The following ZEB1 variants were observed in gnomAD, a reference collection of about 807,000 sequenced individuals.
The protein encoded by ZEB1 is zinc finger E-box-binding homeobox 1.
In ZEB1, 21 loss-of-function variants were observed where a neutral mutation model predicts 84.9. The observed-to-expected ratio is 0.25, with a 90% CI of 0.18 to 0.36. The LOEUF is 0.36. Ranked by LOEUF, ZEB1 falls within the 10% of genes least tolerant of loss-of-function variation. The pLI, the probability that ZEB1 is intolerant of heterozygous loss-of-function variation, is 1.00. For synonymous variants in ZEB1, 420 were observed against 471.1 expected (o/e 0.89, Z 1.41); for missense variants, 1,104 against 1,330.2 (o/e 0.83, Z 2.65).
chr10:31,441,900 A>G (rs1375854706), intron 1 of ZEB1, among the ~76,000 whole-genome samples: 1 of 152,248 alleles, frequency 6.6e-6, no homozygotes, highest in Admixed American at 6.5e-5. Flanking sequence ...TTAAAAAGTC[A>G]GGAAACAACA....
At chr10:31,321,251 A>C (rs950166465) in intron 1 of ZEB1, 2 of 1,260,326 alleles carry the variant, frequency 1.6e-6, no homozygotes, top group African/African-American at 3.0e-5. Flanking sequence ...AAGCTGTTTC[A>C]AGATGTTTCC....
chr10:31,485,388 C>T (rs2065595051), intron 2 of ZEB1, among the ~76,000 whole-genome samples: 1 of 151,828 alleles, frequency 6.6e-6, no homozygotes, highest in Non-Finnish European at 1.5e-5. Flanking sequence ...TACTCACGGA[C>T]CCAGTAGAGC....
intron 1 of ZEB1, among the ~76,000 whole-genome samples, chr10:31,449,319 C>G (rs576033134): frequency 6.6e-6 from 1 of 152,364 alleles, no homozygotes; most frequent in East Asian, 1.9e-4. Flanking sequence ...GTCTGGCACT[C>G]CCTAGTGAGA....
At chr10:31,361,007 A>C in intron 1 of ZEB1, 1 of 1,608,628 alleles carries the variant, frequency 6.2e-7, no homozygotes, top group Non-Finnish European at 8.5e-7. Context: ...CAGGCGCTTT[A>C]CAAGGCTCCT....
At chr10:31,325,369 A>G (rs1589950112) in intron 1 of ZEB1, among the ~76,000 whole-genome samples, 1 of 152,198 alleles carries the variant, frequency 6.6e-6, no homozygotes, top group Middle Eastern at 3.4e-3. Flanking sequence ...TTCATTCTCT[A>G]CAAAGTTACT....
intron 5 of ZEB1, among the ~76,000 whole-genome samples, chr10:31,514,064 C>G (rs1473538279): frequency 6.6e-6 from 1 of 151,870 alleles, no homozygotes; most frequent in African/African-American, 2.4e-5. Flanking sequence ...GCTGAAAAAA[C>G]TGGAAGTATT....
intron 2 of ZEB1, among the ~76,000 whole-genome samples, chr10:31,488,826 TCATAGAA>T (rs2066101606): frequency 6.6e-6 from 1 of 151,294 alleles, no homozygotes. Context: ...GTCATTATGA[TCATAGAA>T]CATACTTTAT....
intron 1 of ZEB1, chr10:31,321,217 C>T (rs908062251): frequency 3.4e-6 from 4 of 1,163,944 alleles, no homozygotes; most frequent in South Asian, 2.6e-5. Flanking sequence ...GATTTCCTGT[C>T]TAGAAGCAGA....
intron 1 of ZEB1, among the ~76,000 whole-genome samples, chr10:31,415,008 A>G (rs2054960299): frequency 6.6e-6 from 1 of 152,188 alleles, no homozygotes; most frequent in Non-Finnish European, 1.5e-5. Context: ...CAGGAATCAT[A>G]GATTTCATTC....
chr10:31,449,530 T>A (rs178598), intron 1 of ZEB1, among the ~76,000 whole-genome samples: 19,342 of 152,180 alleles, frequency 0.13, 2,466 homozygotes, highest in African/African-American at 0.33. Context: ...GGTGAAAGTC[T>A]TGGGGTGGGG....
At chr10:31,329,577 G>A (rs2036314570) in intron 1 of ZEB1, among the ~76,000 whole-genome samples, 1 of 152,074 alleles carries the variant, frequency 6.6e-6, no homozygotes, top group African/African-American at 2.4e-5. Context: ...ACAGGTAACT[G>A]TACTTCTAAG....
At chr10:31,356,656 C>G (rs567458802) in intron 1 of ZEB1, among the ~76,000 whole-genome samples, 10 of 152,246 alleles carry the variant, frequency 6.6e-5, no homozygotes, top group Admixed American at 5.9e-4. Flanking sequence ...ACTTTCTTAA[C>G]CAATCTTATT....
At chr10:31,491,598 A>G (rs1565100728) in intron 2 of ZEB1, among the ~76,000 whole-genome samples, 1 of 151,812 alleles carries the variant, frequency 6.6e-6, no homozygotes, top group Non-Finnish European at 1.5e-5. Flanking sequence ...AAGGGGAATC[A>G]CCCTGTGCTA....
At chr10:31,479,062 C>T (rs1052691477) in intron 2 of ZEB1, among the ~76,000 whole-genome samples, 2 of 151,704 alleles carry the variant, frequency 1.3e-5, no homozygotes, top group Admixed American at 1.3e-4. Flanking sequence ...AAAGGGTACA[C>T]TACAACTGAT....
intron 1 of ZEB1, among the ~76,000 whole-genome samples, chr10:31,452,192 A>T (rs1372083400): frequency 6.6e-6 from 1 of 152,164 alleles, no homozygotes; most frequent in Non-Finnish European, 1.5e-5. Context: ...AAAATCTAAC[A>T]TGTTCATGGT....
chr10:31,469,979 C>T (rs2062985774), intron 2 of ZEB1, among the ~76,000 whole-genome samples: 1 of 152,238 alleles, frequency 6.6e-6, no homozygotes, highest in African/African-American at 2.4e-5. Flanking sequence ...GCAGGGTACT[C>T]CAACAGACCT....
intron 4 of ZEB1, among the ~76,000 whole-genome samples, chr10:31,508,191 C>T (rs1038705225): frequency 2.0e-5 from 3 of 152,144 alleles, no homozygotes; most frequent in Non-Finnish European, 4.4e-5. Flanking sequence ...AACGGGCTTA[C>T]AGTACCTGTC....
intron 1 of ZEB1, among the ~76,000 whole-genome samples, chr10:31,454,103 A>G (rs192253078): frequency 1.1e-3 from 170 of 152,358 alleles, no homozygotes; most frequent in African/African-American, 3.9e-3. Flanking sequence ...GGCTGGCTGA[A>G]CATACACAAA....
intron 1 of ZEB1, among the ~76,000 whole-genome samples, chr10:31,407,594 C>T (rs1343093875): frequency 2.6e-5 from 4 of 152,050 alleles, no homozygotes; most frequent in African/African-American, 9.7e-5. Context: ...GATTTATAGT[C>T]CTTTGGGTAT....
Sources: gnomAD v4.1 joint callset for allele counts (sites outside exome capture counted in the v4.1 genomes callset) on GRCh38, gnomAD v4.1.1 for gene constraint, MANE v1.5 for transcripts, NCBI Gene and HGNC (gene_info 2026-07-23, HGNC 2026-07-21) for gene names.